Variants in C1orf21 observed in about 807,000 individuals in gnomAD.
C1orf21 encodes uncharacterized protein C1orf21.
C1orf21 carries 3 observed loss-of-function variants against 18.7 expected under a neutral mutation model. The ratio of observed to expected loss-of-function variants is 0.16; its 90% CI spans 0.07 to 0.42. C1orf21 has a LOEUF of 0.42. C1orf21 is among the 10% of genes least tolerant of loss of function. C1orf21 has a pLI of 0.99. For missense variants in C1orf21, 104 were observed against 143.6 expected, an observed-to-expected ratio of 0.72 and a Z score of 1.41; for synonymous variants, 41 against 46.4, an observed-to-expected ratio of 0.88 and a Z score of 0.47.
intron 3 of C1orf21, among the ~76,000 whole-genome samples, chr1:184,535,724 C>T (rs1658540714): frequency 6.6e-6 from 1 of 152,196 alleles, no homozygotes; most frequent in Admixed American, 6.5e-5. Context: ...TTTCACCACT[C>T]AGAGCCAAGT....
rs373466920 is a variant in C1orf21, at chr1:184,576,929, A to G, written c.190-13810A>G. On this transcript the variant is annotated intron_variant, in intron 3 of 5. Coordinates refer to ENST00000235307, the MANE Select transcript of C1orf21 (RefSeq NM_030806.4). The stretch of plus-strand genomic sequence containing the variant: ...CATCCCCTGCCGGCCTGCACTCTGC[A>G]CTCCAGCCAGGAGCCAAGCCAGTGC... 2.0e-3 allele frequency among the ~76,000 whole-genome samples: 305 copies of G among 151,966 alleles called. 1 individual carries two copies. Among genetic ancestry groups the G allele is most frequent in the African/African-American group, 7.3e-3 (301 of 41,430 alleles).
chr1:184,553,948 G>C (rs1263088677), intron 3 of C1orf21, among the ~76,000 whole-genome samples: 1 of 152,180 alleles, frequency 6.6e-6, no homozygotes, highest in Non-Finnish European at 1.5e-5. Flanking sequence ...CAGACACTAG[G>C]CTTAAGGGAG....
intron 1 of C1orf21, among the ~76,000 whole-genome samples, chr1:184,435,526 A>G (rs548614662): frequency 4.8e-4 from 73 of 152,254 alleles, no homozygotes; most frequent in Middle Eastern, 3.4e-3. Context: ...TATGTTTAGT[A>G]GAGTTGGGGT....
At position 184,453,286 on chromosome 1, in the gene C1orf21, G is replaced by A. The variant is rs1022318047; in HGVS notation, c.-124-24100G>A. On this transcript the variant is annotated intron_variant, in intron 1 of 5. Transcript: ENST00000235307. Reference sequence around the variant, plus strand: ...TGCCTTCAGATATTTGCATCCTTGCGGTCCCAGGTAAATGCAGCATTGCCC... The same window carrying A: ...TGCCTTCAGATATTTGCATCCTTGCAGTCCCAGGTAAATGCAGCATTGCCC... 5.9e-5 allele frequency among the ~76,000 whole-genome samples: 9 copies of A among 152,116 alleles called. No individual in the cohort carries two copies. In the East Asian group the frequency reaches 7.7e-4, roughly 13 times the overall value.
In C1orf21 at chr1:184,486,963, C is replaced by T. The variant is rs116719892; in HGVS notation, c.94+9360C>T. 2.6e-3 allele frequency among the ~76,000 whole-genome samples: 399 copies of T among 152,314 alleles called. 2 individuals are homozygous for T. Among genetic ancestry groups the T allele is most frequent in the African/African-American group, 9.0e-3 (376 of 41,574 alleles). The stretch of plus-strand genomic sequence containing the variant: ...TTGTATTGTCTGTAGCAGTGGAGAC[C>T]TGCTGGGTGCTTCCTGGCCCTCTGG... On this transcript the variant is annotated intron_variant, in intron 2 of 5. Coordinates refer to ENST00000235307, the MANE Select transcript of C1orf21 (RefSeq NM_030806.4).
intron 1 of C1orf21, among the ~76,000 whole-genome samples, chr1:184,389,862 C>T (rs4326589): frequency 0.71 from 107,919 of 152,104 alleles, 42,006 homozygotes; most frequent in Non-Finnish European, 0.86. Flanking sequence ...AGGCAGGTGA[C>T]ATATTTACAG....
intron 2 of C1orf21, among the ~76,000 whole-genome samples, chr1:184,506,553 A>G (rs1386815775): frequency 6.6e-6 from 1 of 152,186 alleles, no homozygotes; most frequent in African/African-American, 2.4e-5. Context: ...GGTGGTTCCT[A>G]TAGTTAGACA....
In C1orf21 at chr1:184,526,873, G is replaced by T. The variant is rs1571399378; in HGVS notation, c.189+19191G>T. On this transcript the variant is annotated intron_variant, in intron 3 of 5. Coordinates refer to ENST00000235307, the MANE Select transcript of C1orf21 (RefSeq NM_030806.4). ...CAGCTACCTGCCAGCTACTGTCCTT[G>T]GTTCTGGGTATTATAAGTAAAACCC... Among the ~76,000 whole-genome samples the T allele has an allele frequency of 2.6e-5, 4 of 152,188 alleles. No individual in the cohort carries two copies. The South Asian group carries it at 8.3e-4, about 32-fold the overall frequency.
In C1orf21 at chr1:184,515,124, T is replaced by C. The variant is rs969886196; in HGVS notation, c.189+7442T>C. On this transcript the variant is annotated intron_variant, in intron 3 of 5. Transcript: ENST00000235307. ...ACCTATAACCTCTTTGAACACCTCC[T>C]GGCATAGAAGATGCCATTCTTGGCT... Among the ~76,000 whole-genome samples, 3 of 152,364 alleles carry C rather than the reference T, an allele frequency of 2.0e-5. No homozygotes were observed. The East Asian group carries it at 5.8e-4, about 29-fold the overall frequency.
intron 1 of C1orf21, among the ~76,000 whole-genome samples, chr1:184,392,819 C>CTTTT (rs397861528): frequency 5.1e-4 from 49 of 96,828 alleles, no homozygotes; most frequent in African/African-American, 9.1e-4. Context: ...GACATTCCTC[C>CTTTT]TTTTTTTTTT....
intron 3 of C1orf21, chr1:184,567,534 T>TGTGGAG: frequency 1.9e-6 from 1 of 523,306 alleles, no homozygotes; most frequent in Non-Finnish European, 3.8e-6. Context: ...CTCCTTGACA[T>TGTGGAG]CTGCTGTGGA....
At chr1:184,559,505 CCCTTCCTTCCTTCCTT>C (rs71101933) in intron 3 of C1orf21, among the ~76,000 whole-genome samples, 502 of 47,844 alleles carry the variant, frequency 0.01, 14 homozygotes, top group African/African-American at 0.042. Flanking sequence ...CTTCCTTCCC[CCCTTCCTTCCTTCCTT>C]CCTTCCTTCC....
At chr1:184,515,067 T>G (rs1319180247) in intron 3 of C1orf21, among the ~76,000 whole-genome samples, 1 of 152,152 alleles carries the variant, frequency 6.6e-6, no homozygotes, top group Non-Finnish European at 1.5e-5. Context: ...GGAGCCACTT[T>G]AGTGGGAAGT....
chr1:184,475,614 A>G lies in C1orf21; in HGVS notation c.-124-1772A>G, dbSNP rs796785281. On this transcript the variant is annotated intron_variant, in intron 1 of 5. Coordinates refer to ENST00000235307, the MANE Select transcript of C1orf21 (RefSeq NM_030806.4). ...CTTGTATTACACTGTATTGCGTGCA[A>G]TTTTTTAAATGTCAGCATCTCTTCT... 3.9e-5 allele frequency among the ~76,000 whole-genome samples: 6 copies of G among 152,126 alleles called. 1 individual carries two copies. Among genetic ancestry groups the G allele is most frequent in the African/African-American group, 9.6e-5 (4 of 41,504 alleles).
At chr1:184,539,558 A>ATC (rs1658614483) in intron 3 of C1orf21, among the ~76,000 whole-genome samples, 1 of 152,242 alleles carries the variant, frequency 6.6e-6, no homozygotes, top group African/African-American at 2.4e-5. Flanking sequence ...AAGTTTGAGA[A>ATC]GGATTGGTAT....
At chr1:184,579,359 A>AT (rs913601105) in intron 3 of C1orf21, among the ~76,000 whole-genome samples, 4 of 90,142 alleles carry the variant, frequency 4.4e-5, no homozygotes, top group African/African-American at 1.5e-4. Context: ...ACCTAAAGGT[A>AT]TTTTTTTAAT....
chr1:184,604,887 G>A (rs1371430240), intron 5 of C1orf21, among the ~76,000 whole-genome samples: 2 of 152,154 alleles, frequency 1.3e-5, no homozygotes, highest in Non-Finnish European at 2.9e-5. Flanking sequence ...AATTCTTGAG[G>A]ATCTATCAGC....
rs75259964 is a variant in C1orf21 at position 184,471,302 on chromosome 1, C to T, written c.-124-6084C>T. Reference sequence around the variant, plus strand: ...CCAGCAAATACGCAATTGAAATCAACGCTATTAGGCCAAAACATCATTGGT... The same window carrying T: ...CCAGCAAATACGCAATTGAAATCAATGCTATTAGGCCAAAACATCATTGGT... On this transcript the variant is annotated intron_variant, in intron 1 of 5. Transcript: ENST00000235307. Among the ~76,000 whole-genome samples the T allele has an allele frequency of 4.5e-4, 69 of 152,262 alleles. 1 individual carries two copies. In the East Asian group the frequency reaches 0.012, roughly 27 times the overall value.
At chr1:184,390,794 T>C (rs1372440051) in intron 1 of C1orf21, among the ~76,000 whole-genome samples, 1 of 152,208 alleles carries the variant, frequency 6.6e-6, no homozygotes, top group Non-Finnish European at 1.5e-5. Context: ...TGGTCCTTCT[T>C]TGAGCCTCAA....
Sources: gnomAD v4.1 joint callset for allele counts (sites outside exome capture counted in the v4.1 genomes callset) on GRCh38, gnomAD v4.1.1 for gene constraint, MANE v1.5 for transcripts, NCBI Gene and HGNC (gene_info 2026-07-23, HGNC 2026-07-21) for gene names.